KCNG2: variants seen among roughly 807,000 people sequenced by gnomAD.
The protein encoded by KCNG2 is potassium voltage-gated channel modifier subfamily G member 2, also known as voltage-gated potassium channel regulatory subunit KCNG2.
Under a neutral mutation model 12.3 loss-of-function variants are expected in KCNG2, and 7 were observed. The observed-to-expected ratio is 0.57, with a 90% CI of 0.32 to 1.07. The LOEUF (loss-of-function observed/expected upper bound fraction) is 1.07. Among genes scored for constraint, KCNG2 ranks in the 50% least tolerant of loss-of-function variants. The probability of loss-of-function intolerance (pLI) is 0.04; values close to 1 mark genes in which losing one functional copy is unlikely to be tolerated. For synonymous variants in KCNG2, 414 were observed against 351.4 expected (o/e 1.18, Z -1.99); for missense variants, 703 against 726.0 (o/e 0.97, Z 0.36).
Position 79,899,205 on chromosome 18 carries a change from G to C in KCNG2, c.790G>C (p.Val264Leu), listed in dbSNP as rs561972289. The C allele has an allele frequency of 5.2e-5, 84 of 1,603,502 alleles. 1 individual carries two copies. In the South Asian group the frequency reaches 9.1e-4, roughly 17 times the overall value. Residue 264 changes from valine to leucine, a missense_variant, in exon 4 of 4, where the codon GTG (valine) becomes CTG (leucine). Transcript: ENST00000316249. Reference sequence around the variant, plus strand: ...CATCCTGGCGCTCCTGCCGTTCTACGTGTCGCTGCTGCTGGGGCTGGCGGC... The same window carrying C: ...CATCCTGGCGCTCCTGCCGTTCTACCTGTCGCTGCTGCTGGGGCTGGCGGC... The part of the protein sequence containing the change: ...IDILALLPFY[V>L]SLLLGLAAGP...
At position 79,863,718 on chromosome 18, in the gene KCNG2, G is replaced by A; in HGVS notation, c.51G>A (p.Arg17=). The change falls in exon 3 of 4, where the codon CGG becomes CGA. Residue 17 remains arginine, a synonymous_variant. Coordinates refer to ENST00000316249, the MANE Select transcript of KCNG2 (RefSeq NM_012283.2). ...SPGGGGGTRA[R]HVIINVGGCR... ...GCGGCGGCGGCGGGACCCGCGCCCGGCACGTCATCATCAACGTGGGCGGCT... is the reference window on the plus strand; with the variant it reads ...GCGGCGGCGGCGGGACCCGCGCCCGACACGTCATCATCAACGTGGGCGGCT... The A allele has an allele frequency of 8.3e-7, 1 of 1,205,326 alleles. No individual in the cohort carries two copies. The highest frequency in any genetic ancestry group is 1.0e-6 in the Non-Finnish European group (1 of 970,974). 74.7% of individuals were successfully genotyped at this position (1,205,326 alleles called of 1,614,324 possible). A position where few individuals can be genotyped will look rare whatever the true frequency, so the allele number is the denominator to read the frequency against.
In KCNG2 at chr18:79,899,469, G is replaced by A. The variant is rs769203327; in HGVS notation, c.1054G>A (p.Asp352Asn). 10 of 1,605,960 alleles carry A rather than the reference G, an allele frequency of 6.2e-6. No individual in the cohort carries two copies. Among genetic ancestry groups the A allele is most frequent in the South Asian group, 1.1e-5 (1 of 90,018 alleles). ...CGAGCGCGAGCTGGGCGCGCGCCGCGACTTCTCCAGCGTGCCCGCCAGCTA... is the reference window on the plus strand; with the variant it reads ...CGAGCGCGAGCTGGGCGCGCGCCGCAACTTCTCCAGCGTGCCCGCCAGCTA... ...LAERELGARR[D>N]FSSVPASYWW... The change falls in exon 4 of 4, where the codon GAC (aspartate) becomes AAC (asparagine). Residue 352 changes from aspartate to asparagine, a missense_variant. Physicochemically the swap from Asp to Asn is conservative, Grantham distance 23 (BLOSUM62 1). Transcript: ENST00000316249.
intron 3 of KCNG2, among the ~76,000 whole-genome samples, chr18:79,885,030 A>ATG (rs1980470268): frequency 6.6e-6 from 1 of 152,024 alleles, no homozygotes; most frequent in African/African-American, 2.4e-5. Context: ...CACACCCCTC[A>ATG]CAGTCCCCAT....
At chr18:79,898,370 C>T (rs2123138699) in intron 3 of KCNG2, among the ~76,000 whole-genome samples, 1 of 152,350 alleles carries the variant, frequency 6.6e-6, no homozygotes, top group Non-Finnish European at 1.5e-5. Flanking sequence ...GCAGCAAGGG[C>T]AGTCAGGCCC....
At chr18:79,832,038 G>A (rs781424744) in intron 1 of KCNG2, among the ~76,000 whole-genome samples, 7 of 152,160 alleles carry the variant, frequency 4.6e-5, no homozygotes, top group African/African-American at 7.2e-5. Flanking sequence ...CCATAGCTAG[G>A]CACCCCCGGG....
chr18:79,846,182 C>G (rs920952544), intron 1 of KCNG2, among the ~76,000 whole-genome samples: 1 of 150,810 alleles, frequency 6.6e-6, no homozygotes, highest in Non-Finnish European at 1.5e-5. Context: ...ACCATCCTGG[C>G]GAACATGGTG....
chr18:79,821,443 C>A (rs2087569764), intron 1 of KCNG2, among the ~76,000 whole-genome samples: 1 of 152,098 alleles, frequency 6.6e-6, no homozygotes. Flanking sequence ...GCACCCACCA[C>A]CACACCCAGC....
intron 3 of KCNG2, among the ~76,000 whole-genome samples, chr18:79,870,421 C>T (rs1050445158): frequency 3.9e-5 from 6 of 152,092 alleles, no homozygotes; most frequent in Non-Finnish European, 8.8e-5. Context: ...CTGGTGACGC[C>T]CACCGTGAGG....
At chr18:79,856,494 G>A (rs181541867) in intron 2 of KCNG2, among the ~76,000 whole-genome samples, 42 bp downstream of exon 2, 1 of 152,296 alleles carries the variant, frequency 6.6e-6, no homozygotes, top group Non-Finnish European at 1.5e-5. Context: ...ACCTCAAGTC[G>A]TACTGGGATT....
chr18:79,811,692 C>T (rs777831525), intron 1 of KCNG2, among the ~76,000 whole-genome samples: 3 of 152,248 alleles, frequency 2.0e-5, no homozygotes, highest in Non-Finnish European at 2.9e-5. Flanking sequence ...CACCAATCAA[C>T]GATGGGTTTA....
chr18:79,882,777 A>AGCGTGGAGGCCGGGTACG (rs1568269726), intron 3 of KCNG2, among the ~76,000 whole-genome samples: 3 of 129,304 alleles, frequency 2.3e-5, no homozygotes, highest in Admixed American at 7.4e-5. Flanking sequence ...GGCCGGGTAC[A>AGCGTGGAGGCCGGGTACG]CCTGCGCGTG....
intron 3 of KCNG2, among the ~76,000 whole-genome samples, chr18:79,880,316 C>CAA (rs59558361): frequency 0.28 from 28,449 of 101,056 alleles, 4,720 homozygotes; most frequent in Non-Finnish European, 0.38. Context: ...GACTCTGTCT[C>CAA]AAAAAAAAAA....
chr18:79,875,725 G>C (rs891919310), intron 3 of KCNG2, among the ~76,000 whole-genome samples: 2 of 152,192 alleles, frequency 1.3e-5, no homozygotes, highest in East Asian at 3.9e-4. Flanking sequence ...TGGTGTTCAC[G>C]GGGCCTCTGC....
In KCNG2 at chr18:79,884,821, G is replaced by A. The variant is rs893537233; in HGVS notation, c.625-14219G>A. On this transcript the variant is annotated intron_variant, in intron 3 of 3. Transcript: ENST00000316249. This position sits in a 1 kb window ranked among gnomAD's most constrained non-coding sequence, Gnocchi z 5.5. Reference sequence around the variant, plus strand: ...GCGGTTTACCCACAGGTTCCTGTGCGTGGGAGCAAACTTGCTTTTCCCATT... The same window carrying A: ...GCGGTTTACCCACAGGTTCCTGTGCATGGGAGCAAACTTGCTTTTCCCATT... 2.6e-5 allele frequency among the ~76,000 whole-genome samples: 4 copies of A among 152,186 alleles called. No homozygotes were observed. Among genetic ancestry groups the A allele is most frequent in the Non-Finnish European group, 5.9e-5 (4 of 68,018 alleles).
chr18:79,887,087 A>C (rs960980149), intron 3 of KCNG2, among the ~76,000 whole-genome samples: 1 of 147,990 alleles, frequency 6.8e-6, no homozygotes, highest in African/African-American at 2.6e-5. Context: ...CGGGACAGGG[A>C]CATAGGGCCA....
At chr18:79,824,803 G>A (rs2087600015) in intron 1 of KCNG2, among the ~76,000 whole-genome samples, 1 of 152,088 alleles carries the variant, frequency 6.6e-6, no homozygotes, top group Admixed American at 6.6e-5. Context: ...TGCACCTTCT[G>A]GAACAAATTC....
rs78187293 is a variant in KCNG2, at chr18:79,862,873, A to G, written c.-40-755A>G. 1.9e-4 allele frequency among the ~76,000 whole-genome samples: 29 copies of G among 152,346 alleles called. No homozygotes were observed. In the East Asian group the frequency reaches 4.2e-3, roughly 22 times the overall value. ...CGGAGTCAAAGTAATTACGATTCCT[A>G]GTCAAAGAGTCCTGTAGCTTCTCCT... On this transcript the variant is annotated intron_variant, in intron 2 of 3. Transcript: ENST00000316249.
intron 3 of KCNG2, among the ~76,000 whole-genome samples, chr18:79,882,466 A>G (rs1214289526): frequency 6.6e-6 from 1 of 152,276 alleles, no homozygotes; most frequent in Non-Finnish European, 1.5e-5. Flanking sequence ...TAATTAAGCT[A>G]TATAAAGAAC....
At chr18:79,823,233 C>G (rs999079980) in intron 1 of KCNG2, among the ~76,000 whole-genome samples, 2 of 152,196 alleles carry the variant, frequency 1.3e-5, no homozygotes, top group Non-Finnish European at 2.9e-5. Flanking sequence ...GTGTAGACAC[C>G]CGCGTTTACT....
Sources: allele counts gnomAD v4.1 joint callset (sites outside exome capture counted in the v4.1 genomes callset), GRCh38; gene constraint gnomAD v4.1.1; non-coding constraint Gnocchi (gnomAD v3.1); transcripts MANE v1.5; gene names NCBI Gene and HGNC (gene_info 2026-07-23, HGNC 2026-07-21).